The following CNTNAP2 variants were observed in gnomAD, a reference collection of about 807,000 sequenced individuals.
CNTNAP2 encodes contactin-associated protein-like 2.
Under a neutral mutation model 155.2 loss-of-function variants are expected in CNTNAP2, and 98 were observed. That is an observed-to-expected ratio of 0.63 (90% CI 0.54 to 0.75). CNTNAP2 has a LOEUF of 0.75. Ranked by LOEUF, CNTNAP2 falls within the 30% of genes least tolerant of loss-of-function variation. The pLI is 0.00. For synonymous variants in CNTNAP2, 651 were observed against 631.2 expected (o/e 1.03, Z -0.47); for missense variants, 1,727 against 1,688.1 (o/e 1.02, Z -0.40).
intron 3 of CNTNAP2, among the ~76,000 whole-genome samples, chr7:147,022,217 G>C (rs952545887): frequency 1.1e-4 from 17 of 152,076 alleles, no homozygotes; most frequent in Admixed American, 2.0e-4. Context: ...TGATTTCATT[G>C]TAAGAGTTCA....
chr7:147,356,643 C>G (rs971960589), intron 9 of CNTNAP2, among the ~76,000 whole-genome samples: 2 of 152,054 alleles, frequency 1.3e-5, no homozygotes, highest in Admixed American at 1.3e-4. Context: ...TATGGGAACA[C>G]AAATGATATT....
At chr7:146,203,337 A>G (rs914923450) in intron 1 of CNTNAP2, among the ~76,000 whole-genome samples, 1 of 152,234 alleles carries the variant, frequency 6.6e-6, no homozygotes, top group Non-Finnish European at 1.5e-5. Context: ...AATCATTCCT[A>G]CAAACCCTTC....
intron 1 of CNTNAP2, among the ~76,000 whole-genome samples, chr7:146,341,168 CAT>C (rs1429607061): frequency 2.6e-5 from 4 of 152,014 alleles, no homozygotes; most frequent in African/African-American, 9.7e-5. Flanking sequence ...TTATTTTATT[CAT>C]GTTATTTTTC....
intron 1 of CNTNAP2, among the ~76,000 whole-genome samples, chr7:146,651,934 A>T (rs917370459): frequency 2.0e-5 from 3 of 152,178 alleles, no homozygotes; most frequent in African/African-American, 7.2e-5. Context: ...GGATGGGCTT[A>T]TATTATGATA....
chr7:146,688,707 T>C (rs1189040919), intron 1 of CNTNAP2, among the ~76,000 whole-genome samples: 1 of 152,276 alleles, frequency 6.6e-6, no homozygotes, highest in East Asian at 1.9e-4. Flanking sequence ...GCCATCTGGA[T>C]GTATACGTGC....
intron 21 of CNTNAP2, among the ~76,000 whole-genome samples, chr7:148,319,018 G>A (rs1797740659): frequency 1.3e-5 from 2 of 152,290 alleles, no homozygotes; most frequent in Non-Finnish European, 1.5e-5. Context: ...TCCCCATGAA[G>A]CACTGCTTTT....
intron 3 of CNTNAP2, among the ~76,000 whole-genome samples, chr7:146,840,438 T>G (rs1803698624): frequency 6.6e-6 from 1 of 152,166 alleles, no homozygotes; most frequent in South Asian, 2.1e-4. Flanking sequence ...CTCTATTAAC[T>G]TAAAAAGTTG....
intron 1 of CNTNAP2, among the ~76,000 whole-genome samples, chr7:146,144,073 TCAATAAGCA>T (rs1479319026): frequency 2.0e-5 from 3 of 152,166 alleles, no homozygotes; most frequent in Non-Finnish European, 2.9e-5. Flanking sequence ...TAATTTACTT[TCAATAAGCA>T]AAATTACACT....
intron 11 of CNTNAP2, among the ~76,000 whole-genome samples, chr7:147,535,621 G>C (rs1003841500): frequency 3.9e-5 from 6 of 152,054 alleles, no homozygotes; most frequent in Non-Finnish European, 8.8e-5. Flanking sequence ...GTTCTAATCT[G>C]ATGAATGTGT....
intron 1 of CNTNAP2, among the ~76,000 whole-genome samples, chr7:146,615,928 C>A (rs550489983): frequency 1.3e-5 from 2 of 152,286 alleles, no homozygotes; most frequent in South Asian, 4.1e-4. Flanking sequence ...ACATCTCTCC[C>A]CACATAATAT....
At chr7:148,159,801 A>G (rs1805482612) in intron 17 of CNTNAP2, among the ~76,000 whole-genome samples, 1 of 152,230 alleles carries the variant, frequency 6.6e-6, no homozygotes, top group Admixed American at 6.5e-5. Flanking sequence ...TATCAGTGGT[A>G]GCTTCGGGTA....
At chr7:147,243,399 C>A (rs1253428762) in intron 8 of CNTNAP2, among the ~76,000 whole-genome samples, 1 of 152,098 alleles carries the variant, frequency 6.6e-6, no homozygotes, top group Admixed American at 6.5e-5. Flanking sequence ...ACAGGAAGAC[C>A]TGTCCTCTTC....
At chr7:148,120,069 C>T (rs1460405027) in intron 16 of CNTNAP2, among the ~76,000 whole-genome samples, 3 of 150,966 alleles carry the variant, frequency 2.0e-5, no homozygotes, top group Non-Finnish European at 2.9e-5. Flanking sequence ...GATTTTATGG[C>T]CACAAAAGAA....
At chr7:147,468,050 A>G (rs1416716206) in intron 10 of CNTNAP2, among the ~76,000 whole-genome samples, 3 of 152,076 alleles carry the variant, frequency 2.0e-5, no homozygotes, top group African/African-American at 7.2e-5. Context: ...GTGGGAGGCC[A>G]AGGCGGGAGG....
intron 3 of CNTNAP2, among the ~76,000 whole-genome samples, chr7:146,927,613 G>A (rs1796633385): frequency 6.7e-6 from 1 of 148,718 alleles, no homozygotes; most frequent in Non-Finnish European, 1.5e-5. Context: ...ATAATAGCAT[G>A]CATGCACTGC....
At chr7:147,108,480 C>G (rs1267640914) in intron 5 of CNTNAP2, 130 bp downstream of exon 5, 2 of 792,780 alleles carry the variant, frequency 2.5e-6, no homozygotes, top group Admixed American at 3.0e-5. Context: ...CATACTTAAT[C>G]TATAACAGTA....
chr7:146,874,095 A>C (rs1458366674), intron 3 of CNTNAP2, among the ~76,000 whole-genome samples: 1 of 152,048 alleles, frequency 6.6e-6, no homozygotes, highest in East Asian at 1.9e-4. Flanking sequence ...GTTACTCTTA[A>C]ATTCTCGGGA....
At chr7:146,300,815 T>A (rs532199508) in intron 1 of CNTNAP2, among the ~76,000 whole-genome samples, 1 of 152,274 alleles carries the variant, frequency 6.6e-6, no homozygotes, top group East Asian at 1.9e-4. Context: ...GATTCTACAA[T>A]GGGTTTGCTG....
At chr7:147,544,462 G>T (rs902786340) in intron 11 of CNTNAP2, among the ~76,000 whole-genome samples, 1 of 151,856 alleles carries the variant, frequency 6.6e-6, no homozygotes, top group Non-Finnish European at 1.5e-5. Flanking sequence ...AGTTAAAAGG[G>T]TACTTTCATT....
Sources: allele counts gnomAD v4.1 joint callset (sites outside exome capture counted in the v4.1 genomes callset), GRCh38; gene constraint gnomAD v4.1.1; transcripts MANE v1.5; gene names NCBI Gene and HGNC (gene_info 2026-07-23, HGNC 2026-07-21).